The following GRIK3 variants were observed in gnomAD, a reference collection of about 807,000 sequenced individuals.
The protein encoded by GRIK3 is glutamate receptor ionotropic, kainate 3.
A neutral mutation model predicts 102.5 loss-of-function variants in GRIK3; 29 were observed. That is an observed-to-expected ratio of 0.28 (90% CI 0.21 to 0.39). GRIK3 has a LOEUF of 0.39. GRIK3 is among the 10% of genes least tolerant of loss of function. GRIK3 has a pLI of 1.00. For synonymous variants in GRIK3, 511 were observed against 504.9 expected (o/e 1.01, Z -0.16); for missense variants, 908 against 1,252.4 (o/e 0.73, Z 4.15).
At chr1:37,033,034 G>A (rs1356928874) in intron 1 of GRIK3, among the ~76,000 whole-genome samples, 1 of 152,190 alleles carries the variant, frequency 6.6e-6, no homozygotes, top group East Asian at 1.9e-4. Flanking sequence ...CGGCCTGGTG[G>A]CGGGCGCAGG....
At chr1:36,961,302 G>A (rs1384562249) in intron 1 of GRIK3, among the ~76,000 whole-genome samples, 1 of 152,234 alleles carries the variant, frequency 6.6e-6, no homozygotes, top group Non-Finnish European at 1.5e-5. Context: ...ACGGAGGCAA[G>A]CAGGAAAGGG....
In GRIK3 at chr1:36,916,912, C is replaced by T. The variant is rs138495656; in HGVS notation, c.116-25816G>A. Among the ~76,000 whole-genome samples, 1,490 of 152,292 alleles carry T rather than the reference C, an allele frequency of 9.8e-3. 18 individuals are homozygous for T. The highest frequency in any genetic ancestry group is 0.032 in the African/African-American group (1,343 of 41,552). ...ACCTAGTGGAGCTATGAGAAGAGGG[C>T]CACCATTCTCCAGACCCCAGAATGG... On this transcript the variant is annotated intron_variant, in intron 1 of 15. Transcript: ENST00000373091.
chr1:37,007,653 G>A (rs1194656288), intron 1 of GRIK3, among the ~76,000 whole-genome samples: 1 of 152,230 alleles, frequency 6.6e-6, no homozygotes, highest in South Asian at 2.1e-4. Context: ...TATGCGTCAG[G>A]CCTTGGGCTA....
At chr1:36,969,073 C>T (rs368164748) in intron 1 of GRIK3, among the ~76,000 whole-genome samples, 1 of 152,224 alleles carries the variant, frequency 6.6e-6, no homozygotes, top group South Asian at 2.1e-4. Flanking sequence ...ATTACACTGG[C>T]TCCCAAGACA....
At chr1:36,869,642 A>C in intron 5 of GRIK3, 106 bp downstream of exon 5, 1 of 860,274 alleles carries the variant, frequency 1.2e-6, no homozygotes, top group Non-Finnish European at 2.0e-6. Context: ...CAGCCTGAGG[A>C]AGCTGCAGCA....
At chr1:36,811,418 T>TA (rs1642560822) in intron 13 of GRIK3, among the ~76,000 whole-genome samples, 1 of 152,118 alleles carries the variant, frequency 6.6e-6, no homozygotes, top group African/African-American at 2.4e-5. Context: ...ATTGATGTTT[T>TA]AAAAAATATA....
At chr1:36,831,400 C>G (rs970696717) in intron 10 of GRIK3, among the ~76,000 whole-genome samples, 1 of 152,220 alleles carries the variant, frequency 6.6e-6, no homozygotes, top group Non-Finnish European at 1.5e-5. Context: ...CTCACTCCTG[C>G]CATGCATACG....
intron 7 of GRIK3, among the ~76,000 whole-genome samples, chr1:36,856,796 G>A (rs1640657698): frequency 6.6e-6 from 1 of 152,170 alleles, no homozygotes; most frequent in African/African-American, 2.4e-5. Flanking sequence ...TCCCCTCAGG[G>A]ACTCACGGCT....
chr1:36,885,060 T>C (rs1028893808), intron 2 of GRIK3, among the ~76,000 whole-genome samples: 1 of 152,256 alleles, frequency 6.6e-6, no homozygotes, highest in Non-Finnish European at 1.5e-5. Context: ...GTTGTGATAC[T>C]AAAGACCATA....
Position 36,872,126 on chromosome 1 carries a change from G to C in GRIK3, c.732+62C>G. The C allele has an allele frequency of 7.0e-7, 1 of 1,423,336 alleles. No individual in the cohort carries two copies. Among genetic ancestry groups the C allele is most frequent in the Non-Finnish European group, 9.5e-7 (1 of 1,048,792 alleles). 88.2% of individuals were successfully genotyped at this position (1,423,336 alleles called of 1,614,324 possible). A position where few individuals can be genotyped will look rare whatever the true frequency, so the allele number is the denominator to read the frequency against. On this transcript the variant is annotated intron_variant, in intron 4 of 15. Transcript: ENST00000373091. The surrounding 1 kb of genome is among the most constrained non-coding windows in gnomAD (Gnocchi z 5.9). ...AGCATCACACCCACATTTGGGAAGGGGACGTGGGAGAAGTGGCCAGCAGAC... is the reference window on the plus strand; with the variant it reads ...AGCATCACACCCACATTTGGGAAGGCGACGTGGGAGAAGTGGCCAGCAGAC...
At chr1:36,904,420 A>ATG (rs1641264276) in intron 1 of GRIK3, among the ~76,000 whole-genome samples, 1 of 152,242 alleles carries the variant, frequency 6.6e-6, no homozygotes, top group South Asian at 2.1e-4. Flanking sequence ...TGCAGTGAAC[A>ATG]TGTGTTACAT....
chr1:36,964,911 A>G (rs1642063624), intron 1 of GRIK3, among the ~76,000 whole-genome samples: 1 of 152,234 alleles, frequency 6.6e-6, no homozygotes, highest in Non-Finnish European at 1.5e-5. Flanking sequence ...GCCCAAGCCC[A>G]TTAGCTGAGT....
At chr1:36,841,683 A>T (rs2124216497) in intron 10 of GRIK3, 53 bp downstream of exon 10, 1 of 1,462,924 alleles carries the variant, frequency 6.8e-7, no homozygotes, top group Non-Finnish European at 9.6e-7. Flanking sequence ...AGACAGTTCT[A>T]GGCCAAGTCT....
At chr1:36,849,984 G>T in intron 9 of GRIK3, 1 of 261,760 alleles carries the variant, frequency 3.8e-6, no homozygotes, top group Non-Finnish European at 7.4e-6. Flanking sequence ...CTGGGAACTG[G>T]GGTGGGAGAG....
intron 1 of GRIK3, among the ~76,000 whole-genome samples, chr1:36,968,288 A>G (rs1642102165): frequency 7.2e-6 from 1 of 139,730 alleles, no homozygotes; most frequent in Non-Finnish European, 1.5e-5. Context: ...CCCTCTGTTC[A>G]TGCTCCCTCC....
Position 36,937,709 on chromosome 1 carries a change from C to T in GRIK3, c.116-46613G>A, listed in dbSNP as rs560168736. On this transcript the variant is annotated intron_variant, in intron 1 of 15. Transcript: ENST00000373091. Reference sequence around the variant, plus strand: ...TCAAAAGAAAAAAAAAGAAAATAAACGAACTCTTTGGAAACAGCCATTCCA... The same window carrying T: ...TCAAAAGAAAAAAAAAGAAAATAAATGAACTCTTTGGAAACAGCCATTCCA... Among the ~76,000 whole-genome samples the T allele has an allele frequency of 1.4e-4, 22 of 152,152 alleles. No homozygotes were observed. In the South Asian group the frequency reaches 3.1e-3, roughly 22 times the overall value.
intron 10 of GRIK3, among the ~76,000 whole-genome samples, chr1:36,837,959 G>C (rs2124211884): frequency 6.6e-6 from 1 of 152,360 alleles, no homozygotes; most frequent in South Asian, 2.1e-4. Flanking sequence ...TTTGGATCCA[G>C]TGGGGGTAAG....
Position 36,817,239 on chromosome 1 carries a change from T to C in GRIK3, c.1912A>G (p.Ile638Val). ...LMPKALSTRIIGGIWWFFTLI... is the reference protein window; with the variant it reads ...LMPKALSTRIVGGIWWFFTLI... ...GTGAAGAACCACCAGATGCCACCAA[T>C]GATGCGTGTGGACAGGGCTTTGGGC... Residue 638 changes from isoleucine (I) to valine (V), a missense_variant, in exon 13 of 16, where the codon ATT (isoleucine) becomes GTT (valine). Ile to Val is a conservative substitution (Grantham distance 29). Transcript: ENST00000373091. 1 of 1,613,758 alleles carries C rather than the reference T, an allele frequency of 6.2e-7. No individual in the cohort carries two copies. The highest frequency in any genetic ancestry group is 8.5e-7 in the Non-Finnish European group (1 of 1,179,696).
Position 36,804,944 on chromosome 1 carries a change from C to T in GRIK3, c.2565+43G>A, listed in dbSNP as rs143967338. The T allele has an allele frequency of 1.9e-5, 30 of 1,605,316 alleles. No homozygotes were observed. The Middle Eastern group carries it at 5.0e-4, about 27-fold the overall frequency. ...ATACAGGAGTGAAATCAGCGCGAAT[C>T]TCCATTTCCCATCCTGTGCAGGCTC... On this transcript the variant is annotated intron_variant, in intron 15 of 15. Transcript: ENST00000373091.
Sources: gnomAD v4.1 joint callset for allele counts (sites outside exome capture counted in the v4.1 genomes callset) on GRCh38, gnomAD v4.1.1 for gene constraint, Gnocchi (gnomAD v3.1) non-coding constraint, MANE v1.5 for transcripts, NCBI Gene and HGNC (gene_info 2026-07-23, HGNC 2026-07-21) for gene names.